Variants in SLC28A3 observed in about 807,000 individuals in gnomAD.
SLC28A3 encodes the protein solute carrier family 28 member 3, also known as concentrative Na(+)-nucleoside cotransporter 3.
A neutral mutation model predicts 84.2 loss-of-function variants in SLC28A3; 68 were observed. The observed-to-expected ratio is 0.81, with a 90% CI of 0.66 to 0.99. The LOEUF is 0.99. SLC28A3 is among the 50% of genes least tolerant of loss of function. The probability of loss-of-function intolerance (pLI) is 0.00; values close to 1 mark genes in which losing one functional copy is unlikely to be tolerated. For missense variants in SLC28A3, 712 were observed against 841.5 expected (o/e 0.85, Z 1.90); for synonymous variants, 267 against 303.6 (o/e 0.88, Z 1.25).
chr9:84,362,563 C>T, the SLC28A3 span, among the ~76,000 whole-genome samples: 6 of 151,520 alleles, frequency 4.0e-5, no homozygotes, highest in South Asian at 4.2e-4. Context: ...ACCTGGGAGG[C>T]GGAGATTGCA....
At chr9:84,306,807 C>A (rs1825805989) in intron 3 of SLC28A3, among the ~76,000 whole-genome samples, 2 of 151,938 alleles carry the variant, frequency 1.3e-5, no homozygotes, top group Non-Finnish European at 2.9e-5. Flanking sequence ...CAGTATTTTA[C>A]AGCTCTGAGT....
chr9:84,348,327 C>T, the SLC28A3 span, among the ~76,000 whole-genome samples: 1 of 146,140 alleles, frequency 6.8e-6, no homozygotes, highest in East Asian at 2.0e-4. Flanking sequence ...GCACTCCAGC[C>T]TGAGTGACGG....
At chr9:84,290,044 A>G in intron 11 of SLC28A3, 110 bp downstream of exon 11, 2 of 1,437,856 alleles carry the variant, frequency 1.4e-6, no homozygotes, top group South Asian at 3.0e-5. Context: ...CATATGGCAA[A>G]AAAAGACACT....
chr9:84,316,602 A>G (rs1408392116), intron 1 of SLC28A3, among the ~76,000 whole-genome samples: 1 of 152,208 alleles, frequency 6.6e-6, no homozygotes, highest in Non-Finnish European at 1.5e-5. Flanking sequence ...GCTCTGTACC[A>G]TCCACCTCAA....
At chr9:84,284,699 C>A (rs1214061797) in intron 14 of SLC28A3, among the ~76,000 whole-genome samples, 1 of 152,134 alleles carries the variant, frequency 6.6e-6, no homozygotes, top group Non-Finnish European at 1.5e-5. Context: ...CTCATCCCAC[C>A]AAAGGCCAGG....
At chr9:84,280,991 GCA>G (rs1342825914) in intron 14 of SLC28A3, 109 bp from the exon 15 acceptor site, 20 of 1,003,574 alleles carry the variant, frequency 2.0e-5, no homozygotes, top group Non-Finnish European at 2.7e-5. Flanking sequence ...ACAAATAAAT[GCA>G]CAGTCCATGG....
intron 12 of SLC28A3, among the ~76,000 whole-genome samples, 176 bp downstream of exon 12, chr9:84,287,872 C>CA (rs1564148151): frequency 6.6e-6 from 1 of 151,664 alleles, no homozygotes; most frequent in South Asian, 2.1e-4. Context: ...GAGCAAGACT[C>CA]AAAAAAAGGA....
In SLC28A3 at chr9:84,302,196, T is replaced by G. The variant is rs1311307375; in HGVS notation, c.524+4A>C. 1.2e-6 allele frequency: 2 copies of G among 1,613,192 alleles called. No homozygotes were observed. The highest frequency in any genetic ancestry group is 2.2e-5 in the South Asian group (2 of 91,008). On this transcript the variant is annotated splice_donor_region_variant and intron_variant, in intron 5 of 17. Transcript: ENST00000376238. ...ACTGAAATAAGAGAACCAATTGCAT[T>G]TACCACTTCAGCCAGAACCAATGGC... is the stretch of plus-strand genomic sequence containing the variant.
At chr9:84,353,652 A>G in the SLC28A3 span, among the ~76,000 whole-genome samples, 1 of 152,144 alleles carries the variant, frequency 6.6e-6, no homozygotes, top group South Asian at 2.1e-4. Context: ...GGAGCTTGCA[A>G]TGAGCCGAGA....
intron 5 of SLC28A3, among the ~76,000 whole-genome samples, chr9:84,301,034 G>A (rs942824391): frequency 2.0e-5 from 3 of 151,736 alleles, no homozygotes; most frequent in Admixed American, 6.6e-5. Context: ...ATACACCTAC[G>A]ACATACCCAC....
At chr9:84,344,185 G>GTTTTTTT (rs762125676), upstream of SLC28A3, among the ~76,000 whole-genome samples, 3 of 117,986 alleles carry the variant, frequency 2.5e-5, no homozygotes, top group African/African-American at 1.0e-4. Context: ...CATCATATGG[G>GTTTTTTT]TTTTTTTTTT....
intron 8 of SLC28A3, among the ~76,000 whole-genome samples, chr9:84,296,501 C>T (rs1161305316): frequency 1.3e-5 from 2 of 152,136 alleles, no homozygotes; most frequent in Non-Finnish European, 2.9e-5. Flanking sequence ...AAAAAGAAAG[C>T]TGAAGGAAAA....
Position 84,304,296 on chromosome 9 carries a change from A to G in SLC28A3, c.334+958T>C, listed in dbSNP as rs142831431. Among the ~76,000 whole-genome samples, 33 of 152,314 alleles carry G rather than the reference A, an allele frequency of 2.2e-4. No individual in the cohort carries two copies. In the East Asian group the frequency reaches 6.2e-3, roughly 28 times the overall value. Reference sequence around the variant, plus strand: ...ACCAACCCTACTGTTCCCTATTCCAACTGTCTGAGCACCAGCAAAACTGCT... The same window carrying G: ...ACCAACCCTACTGTTCCCTATTCCAGCTGTCTGAGCACCAGCAAAACTGCT... On this transcript the variant is annotated intron_variant, in intron 4 of 17. Coordinates refer to ENST00000376238, the MANE Select transcript of SLC28A3 (RefSeq NM_001199633.2).
chr9:84,366,574 A>G, the SLC28A3 span, among the ~76,000 whole-genome samples: 2 of 152,116 alleles, frequency 1.3e-5, no homozygotes, highest in Non-Finnish European at 2.9e-5. Flanking sequence ...GAGTGTTGTA[A>G]TCTAAGCTAT....
At chr9:84,285,248 G>A (rs1824934102) in intron 14 of SLC28A3, 97 bp downstream of exon 14, 1 of 1,220,466 alleles carries the variant, frequency 8.2e-7, no homozygotes, top group South Asian at 1.4e-5. Context: ...TCTATCCCAG[G>A]TGCCTGGCAT....
In SLC28A3 at chr9:84,305,283, C is replaced by T. The variant is rs151144501; in HGVS notation, c.305G>A (p.Arg102Gln). Residue 102 changes from arginine to glutamine, a missense_variant, in exon 4 of 18, where the codon CGG (arginine) becomes CAG (glutamine). Transcript: ENST00000376238. The part of the protein sequence containing the change: ...GFCRKHKTTL[R>Q]HIIWGILLAG... ...TAATAAAATGCCCCAGATGATGTGC[C>T]GAAGAGTTGTTTTGTGTTTCCTACA... 6.2e-6 allele frequency: 10 copies of T among 1,613,498 alleles called. No individual in the cohort carries two copies. Among genetic ancestry groups the T allele is most frequent in the African/African-American group, 5.3e-5 (4 of 74,768 alleles).
chr9:84,299,687 C>A lies in SLC28A3; in HGVS notation c.563G>T (p.Trp188Leu), dbSNP rs777113330. The change falls in exon 6 of 18, where the codon TGG becomes TTG. Residue 188 changes from tryptophan to leucine, a missense_variant. Physicochemically the swap from Trp to Leu is moderately conservative, Grantham distance 61. Transcript: ENST00000376238. ...CAATTTGGCAGTGTCAAAGGCCAAC[C>A]AGAAAATAACTGCTAGGACCAGGGA... ...WSSLVLAVIF[W>L]LAFDTAKLGQ... The A allele has an allele frequency of 6.2e-7, 1 of 1,611,832 alleles. No homozygotes were observed. The highest frequency in any genetic ancestry group is 1.1e-5 in the South Asian group (1 of 90,388).
intron 1 of SLC28A3, among the ~76,000 whole-genome samples, chr9:84,338,681 A>G (rs1395130212): frequency 1.3e-5 from 2 of 152,072 alleles, no homozygotes; most frequent in Non-Finnish European, 2.9e-5. Flanking sequence ...GACCTTCTCT[A>G]TTGCAGATAT....
At chr9:84,362,386 C>A in the SLC28A3 span, among the ~76,000 whole-genome samples, 2 of 152,146 alleles carry the variant, frequency 1.3e-5, no homozygotes, top group Non-Finnish European at 2.9e-5. Context: ...AATCCCAGCA[C>A]TTTGGGAAGC....
Sources: allele counts gnomAD v4.1 joint callset (sites outside exome capture counted in the v4.1 genomes callset), GRCh38; gene constraint gnomAD v4.1.1; transcripts MANE v1.5; gene names NCBI Gene and HGNC (gene_info 2026-07-23, HGNC 2026-07-21).